The following PDE10A variants were observed in gnomAD, a reference collection of about 807,000 sequenced individuals.
PDE10A encodes cAMP and cAMP-inhibited cGMP 3',5'-cyclic phosphodiesterase 10A.
PDE10A carries 39 observed loss-of-function variants against 97.7 expected under a neutral mutation model. That is an observed-to-expected ratio of 0.40 (90% CI 0.31 to 0.52). The LOEUF (loss-of-function observed/expected upper bound fraction) is 0.52. Among genes scored for constraint, PDE10A ranks in the 20% least tolerant of loss-of-function variants. PDE10A has a pLI of 0.56. For missense variants in PDE10A, 731 were observed against 1,047.8 expected (o/e 0.70, Z 4.17); for synonymous variants, 371 against 376.8 (o/e 0.98, Z 0.18).
chr6:165,921,091 T>G (rs1782740156), intron 1 of PDE10A, among the ~76,000 whole-genome samples: 1 of 152,226 alleles, frequency 6.6e-6, no homozygotes, highest in African/African-American at 2.4e-5. Flanking sequence ...ATGACCCGCC[T>G]ACTGACTTTC....
At chr6:165,936,899 C>T (rs1005996946) in intron 1 of PDE10A, among the ~76,000 whole-genome samples, 1 of 152,154 alleles carries the variant, frequency 6.6e-6, no homozygotes, top group African/African-American at 2.4e-5. Flanking sequence ...TGAGAAAGGG[C>T]ATTTGTGCTT....
chr6:165,792,970 G>A (rs1306882650), intron 1 of PDE10A, among the ~76,000 whole-genome samples: 1 of 152,156 alleles, frequency 6.6e-6, no homozygotes, highest in African/African-American at 2.4e-5. Context: ...GCTGGGGTGG[G>A]GGGTGGCTGT....
rs1368678991 is a variant in PDE10A at position 165,619,152 on chromosome 6, G to A, written c.865+42795C>T. 2.2e-5 allele frequency among the ~76,000 whole-genome samples: 3 copies of A among 137,196 alleles called. No individual in the cohort carries two copies. In the South Asian group the frequency reaches 6.7e-4, roughly 30 times the overall value. 90.0% of individuals were successfully genotyped at this position (137,196 alleles called of 152,430 possible). On this transcript the variant is annotated intron_variant, in intron 1 of 21. Transcript: ENST00000539869. ...GTCTAGTGTAGTGTAGTCTAGTGTC[G>A]TGTAGTGTAGTGTAGTGTAGTCTAG...
intron 5 of PDE10A, among the ~76,000 whole-genome samples, chr6:165,438,807 C>T (rs1156491008): frequency 4.0e-5 from 6 of 151,720 alleles, no homozygotes; most frequent in South Asian, 2.1e-4. Context: ...AAAATAAAAA[C>T]ATTAGCTGGG....
chr6:165,934,202 GT>G (rs1783248561), intron 1 of PDE10A, among the ~76,000 whole-genome samples: 2 of 113,268 alleles, frequency 1.8e-5, no homozygotes, highest in Admixed American at 2.1e-4. Flanking sequence ...GTTTTACCAT[GT>G]TGGCCAGCCT....
At chr6:165,802,704 G>A (rs571321281) in intron 1 of PDE10A, among the ~76,000 whole-genome samples, 2 of 152,316 alleles carry the variant, frequency 1.3e-5, no homozygotes, top group South Asian at 2.1e-4. Context: ...GGGTCTGCAA[G>A]GTGGATGTCT....
rs117529112 is a variant in PDE10A at position 165,752,545 on chromosome 6, T to C, written c.-614-208977A>G. Among the ~76,000 whole-genome samples, 1,462 of 152,350 alleles carry C rather than the reference T, an allele frequency of 9.6e-3. 13 individuals are homozygous for C. Among genetic ancestry groups the C allele is most frequent in the Non-Finnish European group, 0.015 (1,016 of 68,028 alleles). On this transcript the variant is annotated intron_variant, in intron 1 of 19. Transcript: ENST00000366882. ...ATATGTCATAACATATGTTATGTTA[T>C]GAATTATACAGTAATTCTTCTACAA...
intron 1 of PDE10A, among the ~76,000 whole-genome samples, chr6:165,932,984 G>C (rs1229140448): frequency 1.3e-5 from 2 of 152,200 alleles, no homozygotes; most frequent in Non-Finnish European, 2.9e-5. Flanking sequence ...GCAGCAGTGG[G>C]CTCCTGAGAG....
chr6:165,620,724 T>C (rs3008026), intron 1 of PDE10A, among the ~76,000 whole-genome samples: 29,543 of 151,896 alleles, frequency 0.19, 4,353 homozygotes, highest in African/African-American at 0.42. Flanking sequence ...AGCAGAGAAA[T>C]TGTGTCTGTC....
Position 165,406,228 on chromosome 6 carries a change from A to ATGTGTG in PDE10A, c.2076+7267_2076+7272dup, listed in dbSNP as rs3839483. On this transcript the variant is annotated intron_variant, in intron 13 of 21. Coordinates refer to ENST00000539869, the MANE Select transcript of PDE10A (RefSeq NM_001385079.1). ...TTCAAATTCAAGATGAGGGAAAAGGATGTGTGTGTGTGTGTGTGTGTGTGT... is the reference window on the plus strand; with the variant it reads ...TTCAAATTCAAGATGAGGGAAAAGGATGTGTGTGTGTGTGTGTGTGTGTGTGTGTGT... Among the ~76,000 whole-genome samples the ATGTGTG allele has an allele frequency of 5.8e-3, 815 of 140,504 alleles. 5 individuals are homozygous for ATGTGTG. The highest frequency in any genetic ancestry group is 0.036 in the South Asian group (157 of 4,384). The allele number at this position is 140,504 out of a possible 152,430, so 92.2% of individuals were successfully genotyped here.
intron 17 of PDE10A, among the ~76,000 whole-genome samples, chr6:165,383,540 G>A (rs559344072): frequency 5.9e-5 from 9 of 151,898 alleles, no homozygotes; most frequent in African/African-American, 1.7e-4. Flanking sequence ...CTTTCCTCAC[G>A]TAAAGCTTCA....
At chr6:165,426,960 AAT>A (rs1178112620) in intron 10 of PDE10A, among the ~76,000 whole-genome samples, 7 of 152,142 alleles carry the variant, frequency 4.6e-5, no homozygotes, top group Non-Finnish European at 8.8e-5. Flanking sequence ...AAAGTCAGAT[AAT>A]AGTAAGTGTT....
chr6:165,688,606 C>T (rs1455342893), intron 1 of PDE10A, among the ~76,000 whole-genome samples: 3 of 152,088 alleles, frequency 2.0e-5, no homozygotes, highest in African/African-American at 4.8e-5. Context: ...GGAATGGACA[C>T]GCATTGGATA....
intron 18 of PDE10A, among the ~76,000 whole-genome samples, chr6:165,368,783 G>A (rs1403921217): frequency 1.3e-5 from 2 of 152,146 alleles, no homozygotes; most frequent in Non-Finnish European, 2.9e-5. Context: ...CCTCAAGTGG[G>A]TCCCTGACCC....
chr6:165,816,692 G>A (rs974314538), intron 1 of PDE10A, among the ~76,000 whole-genome samples: 5 of 152,216 alleles, frequency 3.3e-5, no homozygotes, highest in African/African-American at 9.7e-5. Flanking sequence ...AACAATGAAA[G>A]CAATAGAATC....
intron 1 of PDE10A, among the ~76,000 whole-genome samples, chr6:165,631,162 G>C (rs1788611349): frequency 6.6e-6 from 1 of 152,208 alleles, no homozygotes; most frequent in East Asian, 1.9e-4. Context: ...TGAAGAAATA[G>C]GTTAATCTTA....
At chr6:165,787,732 C>T (rs1371132028) in intron 1 of PDE10A, among the ~76,000 whole-genome samples, 3 of 152,132 alleles carry the variant, frequency 2.0e-5, no homozygotes, top group Non-Finnish European at 4.4e-5. Context: ...TGCCAGGCAA[C>T]CTGCAGGTAT....
rs1159735811 is a variant in PDE10A, at chr6:165,905,981, C to CTCCTTCCTTCCT, written c.-615+81536_-615+81547dup. On this transcript the variant is annotated intron_variant, in intron 1 of 19. Transcript: ENST00000366882. ...TTGTTCCTTTTTACCTTCCCTTTTT[C>CTCCTTCCTTCCT]TCCTTCCTTCCTTCCTTCCTTCCTT... Among the ~76,000 whole-genome samples the CTCCTTCCTTCCT allele has an allele frequency of 1.3e-4, 12 of 92,596 alleles. 1 individual carries two copies. The highest frequency in any genetic ancestry group is 4.5e-4 in the African/African-American group (12 of 26,556). 60.7% of individuals were successfully genotyped at this position (92,596 alleles called of 152,430 possible). A position where few individuals can be genotyped will look rare whatever the true frequency, so the allele number is the denominator to read the frequency against.
At chr6:165,708,657 C>A (rs1791784383) in intron 1 of PDE10A, among the ~76,000 whole-genome samples, 1 of 151,730 alleles carries the variant, frequency 6.6e-6, no homozygotes. Context: ...TGCATCCAAT[C>A]GACCCGGCCG....
Sources: gnomAD v4.1 joint callset for allele counts (sites outside exome capture counted in the v4.1 genomes callset) on GRCh38, gnomAD v4.1.1 for gene constraint, MANE v1.5 for transcripts, NCBI Gene and HGNC (gene_info 2026-07-23, HGNC 2026-07-21) for gene names.